Variants in KHDRBS2 observed in about 807,000 individuals in gnomAD.
KHDRBS2 encodes KH RNA binding domain containing, signal transduction associated 2.
KHDRBS2 carries 26 observed loss-of-function variants against 44.3 expected under a neutral mutation model. The observed-to-expected ratio is 0.59, with a 90% CI of 0.43 to 0.81. KHDRBS2 has a LOEUF of 0.81. Ranked by LOEUF, KHDRBS2 falls within the 40% of genes least tolerant of loss-of-function variation. KHDRBS2 has a pLI of 0.00. For missense variants in KHDRBS2, 476 were observed against 433.1 expected (o/e 1.10, Z -0.88); for synonymous variants, 194 against 151.1 (o/e 1.28, Z -2.08).
chr6:61,697,069 A>G (rs919704674), intron 8 of KHDRBS2, 126 bp downstream of exon 8: 49 of 722,970 alleles, frequency 6.8e-5, no homozygotes, highest in Admixed American at 3.3e-4. Context: ...TCACCCTGGA[A>G]TTACATGAAT....
At chr6:61,985,152 T>C (rs766712895) in intron 3 of KHDRBS2, among the ~76,000 whole-genome samples, 4 of 152,320 alleles carry the variant, frequency 2.6e-5, no homozygotes, top group South Asian at 4.1e-4. Context: ...ATAAATATAA[T>C]GCTTACTCTT....
intron 6 of KHDRBS2, among the ~76,000 whole-genome samples, chr6:61,834,600 T>G (rs1045221285): frequency 3.3e-5 from 5 of 152,044 alleles, no homozygotes; most frequent in African/African-American, 1.2e-4. Context: ...TGCAAAGATG[T>G]CACTATGCCA....
In KHDRBS2 at chr6:61,893,665, C is replaced by T. The variant is rs575376498; in HGVS notation, c.810+970G>A. 1.4e-4 allele frequency among the ~76,000 whole-genome samples: 21 copies of T among 152,120 alleles called. No homozygotes were observed. In the South Asian group the frequency reaches 3.7e-3, roughly 27 times the overall value. Reference sequence around the variant, plus strand: ...ATCGCAAAGACAAAAAACCAAACACCGCATGTTCTCACTCATAGGTGGGAA... The same window carrying T: ...ATCGCAAAGACAAAAAACCAAACACTGCATGTTCTCACTCATAGGTGGGAA... On this transcript the variant is annotated intron_variant, in intron 6 of 8. Transcript: ENST00000281156.
rs192118275 is a variant in KHDRBS2, at chr6:62,007,612, A to G, written c.337-29400T>C. 4.6e-4 allele frequency among the ~76,000 whole-genome samples: 70 copies of G among 152,262 alleles called. 1 individual carries two copies. Among genetic ancestry groups the G allele is most frequent in the African/African-American group, 1.6e-3 (68 of 41,582 alleles). ...TAAATGTATAATTAATATTCTGAAG[A>G]AAACCATTAAAACACACAGCTTTGA... On this transcript the variant is annotated intron_variant, in intron 3 of 8. Coordinates refer to ENST00000281156, the MANE Select transcript of KHDRBS2 (RefSeq NM_152688.4).
intron 1 of KHDRBS2, among the ~76,000 whole-genome samples, chr6:62,206,580 G>A (rs56375221): frequency 0.011 from 1,653 of 151,860 alleles, 36 homozygotes; most frequent in African/African-American, 0.037. Context: ...TGATGCTTTC[G>A]GATATTCCTT....
chr6:62,217,371 T>C (rs972764854), intron 1 of KHDRBS2, among the ~76,000 whole-genome samples: 4 of 151,894 alleles, frequency 2.6e-5, no homozygotes, highest in African/African-American at 9.7e-5. Context: ...ATGTAATTGA[T>C]TGTTCTCAGT....
the KHDRBS2 span, among the ~76,000 whole-genome samples, chr6:61,608,008 C>A: frequency 2.0e-5 from 3 of 152,096 alleles, no homozygotes; most frequent in Non-Finnish European, 4.4e-5. Context: ...TTTAATGTAG[C>A]CAATGATTTA....
intron 2 of KHDRBS2, among the ~76,000 whole-genome samples, chr6:62,074,146 G>A (rs1204989467): frequency 6.6e-6 from 1 of 151,840 alleles, no homozygotes; most frequent in African/African-American, 2.4e-5. Context: ...TCAGCATGAA[G>A]CTGTAACTTC....
At chr6:61,554,471 T>G in the KHDRBS2 span, among the ~76,000 whole-genome samples, 1 of 152,222 alleles carries the variant, frequency 6.6e-6, no homozygotes, top group Admixed American at 6.5e-5. Context: ...CTTGTCAATC[T>G]ACACCTTTCA....
intron 1 of KHDRBS2, among the ~76,000 whole-genome samples, chr6:62,178,500 G>A (rs1198263174): frequency 6.6e-6 from 1 of 151,404 alleles, no homozygotes; most frequent in African/African-American, 2.4e-5. Context: ...TATTTTTAAA[G>A]ATAACATAGT....
rs141429268 is a variant in KHDRBS2, at chr6:62,155,779, A to G, written c.219+21406T>C. Among the ~76,000 whole-genome samples the G allele has an allele frequency of 2.8e-4, 42 of 152,346 alleles. No individual in the cohort carries two copies. The East Asian group carries it at 7.9e-3, about 29-fold the overall frequency. On this transcript the variant is annotated intron_variant, in intron 2 of 8. Coordinates refer to ENST00000281156, the MANE Select transcript of KHDRBS2 (RefSeq NM_152688.4). ...TTCCCATATCCGTTTTCCACAGTTT[A>G]CAAAAATACAAGAGTTCACATAAGT...
intron 3 of KHDRBS2, among the ~76,000 whole-genome samples, chr6:62,031,631 G>C (rs1319870961): frequency 6.6e-6 from 1 of 152,130 alleles, no homozygotes. Flanking sequence ...AGTGGTGGCA[G>C]TGGCCATGGG....
chr6:62,226,278 CTAAT>C (rs1458890286), intron 1 of KHDRBS2, among the ~76,000 whole-genome samples: 3 of 152,174 alleles, frequency 2.0e-5, no homozygotes, highest in African/African-American at 7.2e-5. Flanking sequence ...TTGCATTTCT[CTAAT>C]TATCAGTGAT....
the KHDRBS2 span, among the ~76,000 whole-genome samples, chr6:61,633,098 C>T: frequency 4.6e-5 from 7 of 152,016 alleles, no homozygotes; most frequent in Non-Finnish European, 1.0e-4. Flanking sequence ...TTTACAGAAG[C>T]AGAAAATGCA....
At chr6:62,225,188 T>C (rs1425464908) in intron 1 of KHDRBS2, among the ~76,000 whole-genome samples, 1 of 152,330 alleles carries the variant, frequency 6.6e-6, no homozygotes. Flanking sequence ...TCAATAGTAC[T>C]GCACTGAGAA....
intron 6 of KHDRBS2, among the ~76,000 whole-genome samples, chr6:61,811,720 A>AC (rs1788150600): frequency 6.6e-6 from 1 of 151,810 alleles, no homozygotes; most frequent in Non-Finnish European, 1.5e-5. Flanking sequence ...TCTCTTCTTG[A>AC]TTTTTTTTAT....
intron 3 of KHDRBS2, among the ~76,000 whole-genome samples, chr6:62,045,840 G>A (rs1226131932): frequency 6.6e-6 from 1 of 151,050 alleles, no homozygotes; most frequent in Non-Finnish European, 1.5e-5. Flanking sequence ...TTTTAATCAA[G>A]TGTTTACTAA....
chr6:61,960,821 G>T (rs1456737214), intron 4 of KHDRBS2, among the ~76,000 whole-genome samples: 1 of 152,066 alleles, frequency 6.6e-6, no homozygotes, highest in Admixed American at 6.6e-5. Flanking sequence ...GAGGTAAAGA[G>T]TAGAAGAATT....
the KHDRBS2 span, among the ~76,000 whole-genome samples, chr6:61,639,771 A>G: frequency 4.5e-4 from 68 of 152,196 alleles, no homozygotes; most frequent in South Asian, 4.1e-4. Flanking sequence ...CAGTAGTTAA[A>G]TAAATGTTGA....
Sources: allele counts gnomAD v4.1 joint callset (sites outside exome capture counted in the v4.1 genomes callset), GRCh38; gene constraint gnomAD v4.1.1; transcripts MANE v1.5; gene names NCBI Gene and HGNC (gene_info 2026-07-23, HGNC 2026-07-21).